SLC38A8: variants seen among roughly 807,000 people sequenced by gnomAD.
The protein encoded by SLC38A8 is solute carrier family 38 member 8.
In SLC38A8, 65 loss-of-function variants were observed where a neutral mutation model predicts 46.0. That is an observed-to-expected ratio of 1.41 (90% confidence interval 1.16 to 1.74). SLC38A8 has a LOEUF of 1.74. Among genes scored for constraint, SLC38A8 ranks in the 40% most tolerant of loss-of-function variants. The pLI is 0.00. For synonymous variants in SLC38A8, 447 were observed against 243.7 expected (o/e 1.83, Z -7.77); for missense variants, 998 against 567.9 (o/e 1.76, Z -7.70).
rs2085372512 is a variant in SLC38A8 at position 84,041,992 on chromosome 16, C to G, written c.166G>C (p.Val56Leu). The change falls in exon 2 of 11, where the codon GTC becomes CTC. Residue 56 changes from valine (V) to leucine (L), a missense_variant. Transcript: ENST00000299709. ...ACCAGCTCCACCAGGAAGGCAGGGA[C>G]CACTCCGCCCGCTTTGGAGAAGGCC... ...PWAFSKAGGV[V>L]PAFLVELVSL... The G allele has an allele frequency of 6.2e-7, 1 of 1,605,388 alleles. No homozygotes were observed. Among genetic ancestry groups the G allele is most frequent in the Non-Finnish European group, 8.5e-7 (1 of 1,175,298 alleles).
chr16:84,014,848 C>A (rs780361079), intron 9 of SLC38A8, among the ~76,000 whole-genome samples: 3 of 152,200 alleles, frequency 2.0e-5, no homozygotes, highest in Admixed American at 6.5e-5. Context: ...ACCAACATTT[C>A]TCTGTGGCCC....
chr16:84,016,715 C>T lies in SLC38A8; in HGVS notation c.966G>A (p.Gln322=), dbSNP rs758105316. 6.2e-7 allele frequency: 1 copy of T among 1,612,536 alleles called. No homozygotes were observed. The highest frequency in any genetic ancestry group is 2.2e-5 in the East Asian group (1 of 44,870). ...CCAAGCAGCTCCTCCTCCAGAAGTC[C>T]TGCATCACTGACCTGGAGGCCACAG... The part of the protein sequence containing the change: ...IVLFLGRSVM[Q]DFWRRSCLGG... Residue 322 remains glutamine, a synonymous_variant, in exon 9 of 11, where the codon CAG becomes CAA. Transcript: ENST00000299709.
At chr16:84,036,592 TG>T in intron 3 of SLC38A8, 109 bp downstream of exon 3, 1 of 1,248,140 alleles carries the variant, frequency 8.0e-7, no homozygotes, top group Admixed American at 2.1e-5. Context: ...CAGCCTCTGC[TG>T]TCCCTCAGGG....
rs141300582 is a variant in SLC38A8, at chr16:84,037,563, C to A, written c.190-663G>T. On this transcript the variant is annotated intron_variant, in intron 2 of 10. Coordinates refer to ENST00000299709, the MANE Select transcript of SLC38A8 (RefSeq NM_001080442.3). The stretch of plus-strand genomic sequence containing the variant: ...ATCACCTGAGGTCAGGAGTTTGAGA[C>A]CAGCCTGGCCAACATGGAGAAACCC... Among the ~76,000 whole-genome samples, 463 of 152,192 alleles carry A rather than the reference C, an allele frequency of 3.0e-3. 1 individual carries two copies. Among genetic ancestry groups the A allele is most frequent in the African/African-American group, 0.011 (437 of 41,522 alleles).
At chr16:84,037,773 G>C (rs2085317959) in intron 2 of SLC38A8, among the ~76,000 whole-genome samples, 2 of 137,650 alleles carry the variant, frequency 1.5e-5, no homozygotes, top group Admixed American at 1.4e-4. Flanking sequence ...AAAAAAAAAA[G>C]AGAAAAGAAA....
At chr16:84,024,932 C>T (rs1372647707) in intron 6 of SLC38A8, among the ~76,000 whole-genome samples, 3 of 152,108 alleles carry the variant, frequency 2.0e-5, no homozygotes, top group South Asian at 2.1e-4. Context: ...CCTCCCACCT[C>T]GGCCTCGCAA....
chr16:84,013,424 GTTTTT>G (rs1221293803), intron 9 of SLC38A8, among the ~76,000 whole-genome samples: 520 of 63,992 alleles, frequency 8.1e-3, no homozygotes, highest in Admixed American at 0.014. Context: ...TTGTGTGTGT[GTTTTT>G]TTTTTTTTTT....
chr16:84,036,898 G>C lies in SLC38A8; in HGVS notation c.192C>G (p.Val64=), dbSNP rs755211190. The C allele has an allele frequency of 2.5e-6, 4 of 1,610,138 alleles. No individual in the cohort carries two copies. The highest frequency in any genetic ancestry group is 1.7e-5 in the Admixed American group (1 of 59,772). ...GCCCGCTGATCAGGAAGACCAACGA[G>C]ACCTGCGGAGAAGGAGCAGGACCTG... ...GVVPAFLVEL[V]SLVFLISGLV... Residue 64 remains valine, a splice_region_variant and synonymous_variant, in exon 3 of 11, where the codon GTC becomes GTG. Transcript: ENST00000299709.
At chr16:84,017,103 C>A (rs1470597218) in intron 8 of SLC38A8, 37 bp downstream of exon 8, 4 of 1,611,258 alleles carry the variant, frequency 2.5e-6, no homozygotes, top group Non-Finnish European at 2.5e-6. Flanking sequence ...ATCAGCAGAC[C>A]ATGCTTCACG....
intron 10 of SLC38A8, among the ~76,000 whole-genome samples, chr16:84,012,304 G>A (rs557303154): frequency 6.6e-6 from 1 of 152,336 alleles, no homozygotes; most frequent in East Asian, 1.9e-4. Context: ...CCGTGGGTCA[G>A]ACTCAGCTGC....
At chr16:84,031,667 G>A (rs1209810849) in intron 5 of SLC38A8, among the ~76,000 whole-genome samples, 200 bp downstream of exon 5, 3 of 152,022 alleles carry the variant, frequency 2.0e-5, no homozygotes, top group African/African-American at 7.2e-5. Flanking sequence ...CCCGGTCATC[G>A]CTAGCCACGG....
At chr16:84,016,137 G>A (rs976610011) in intron 9 of SLC38A8, among the ~76,000 whole-genome samples, 1 of 152,076 alleles carries the variant, frequency 6.6e-6, no homozygotes, top group African/African-American at 2.4e-5. Context: ...GGCGGGGGGG[G>A]ACCCCCACTT....
chr16:84,032,517 C>T (rs900292185), intron 4 of SLC38A8, among the ~76,000 whole-genome samples: 2 of 152,194 alleles, frequency 1.3e-5, no homozygotes, highest in African/African-American at 2.4e-5. Context: ...CGGCGCCCTT[C>T]GGGATGGCAG....
At chr16:84,010,285 G>A (rs1218702222) in intron 10 of SLC38A8, among the ~76,000 whole-genome samples, 1 of 151,804 alleles carries the variant, frequency 6.6e-6, no homozygotes, top group Non-Finnish European at 1.5e-5. Context: ...TTGCTAGGCT[G>A]GTCTTGAACT....
intron 3 of SLC38A8, among the ~76,000 whole-genome samples, chr16:84,036,495 A>G (rs779662866): frequency 3.9e-5 from 6 of 152,214 alleles, no homozygotes; most frequent in Non-Finnish European, 7.3e-5. Flanking sequence ...TCTCTCATGC[A>G]CTTGTGTGCC....
At chr16:84,035,890 G>A (rs536608024) in intron 3 of SLC38A8, among the ~76,000 whole-genome samples, 1 of 152,244 alleles carries the variant, frequency 6.6e-6, no homozygotes, top group Admixed American at 6.5e-5. Flanking sequence ...TAGACCTAAA[G>A]ATTAATATGG....
rs1307436372 is a variant in SLC38A8, at chr16:84,012,991, G to A, written c.1214+10C>T. ...CACCCAGGGTGCCACCTCATCTTAG[G>A]GACACTTACTTGACTCTTGGTCCTA... On this transcript the variant is annotated intron_variant, in intron 10 of 10. Transcript: ENST00000299709. 2 of 1,613,826 alleles carry A rather than the reference G, an allele frequency of 1.2e-6. No homozygotes were observed. Among genetic ancestry groups the A allele is most frequent in the African/African-American group, 2.7e-5 (2 of 74,910 alleles).
intron 6 of SLC38A8, among the ~76,000 whole-genome samples, chr16:84,025,031 A>C (rs1010467465): frequency 1.3e-5 from 2 of 152,134 alleles, no homozygotes; most frequent in Admixed American, 6.5e-5. Context: ...AGAGCCCATG[A>C]GTCATGTGAA....
At chr16:84,015,579 G>GA (rs954190314) in intron 9 of SLC38A8, among the ~76,000 whole-genome samples, 1 of 151,690 alleles carries the variant, frequency 6.6e-6, no homozygotes, top group Non-Finnish European at 1.5e-5. Context: ...GCCCCCGGCG[G>GA]GGGTTCAGGG....
Sources: gnomAD v4.1 joint callset for allele counts (sites outside exome capture counted in the v4.1 genomes callset) on GRCh38, gnomAD v4.1.1 for gene constraint, MANE v1.5 for transcripts, NCBI Gene and HGNC (gene_info 2026-07-23, HGNC 2026-07-21) for gene names.